Variants in PRKG1 observed in about 807,000 individuals in gnomAD.
PRKG1 encodes protein kinase cGMP-dependent 1.
PRKG1 carries 35 observed loss-of-function variants against 88.1 expected under a neutral mutation model. That is an observed-to-expected ratio of 0.40 (90% CI 0.30 to 0.53). The LOEUF is 0.53. Ranked by LOEUF, PRKG1 falls within the 20% of genes least tolerant of loss-of-function variation. PRKG1 has a pLI of 0.59. For missense variants in PRKG1, 540 were observed against 839.8 expected (o/e 0.64, Z 4.41); for synonymous variants, 303 against 292.5 (o/e 1.04, Z -0.37).
chr10:52,093,543 G>A (rs1847103766), intron 7 of PRKG1, among the ~76,000 whole-genome samples: 2 of 152,088 alleles, frequency 1.3e-5, no homozygotes, highest in South Asian at 2.1e-4. Flanking sequence ...ACAGGAAAAG[G>A]AATTTTTCTT....
intron 3 of PRKG1, among the ~76,000 whole-genome samples, chr10:51,634,977 A>C (rs1427677742): frequency 3.3e-5 from 5 of 152,138 alleles, no homozygotes; most frequent in Non-Finnish European, 7.4e-5. Flanking sequence ...ATTGAAAAAC[A>C]ACCTGTTAGG....
At chr10:51,921,142 C>T (rs1016419473) in intron 5 of PRKG1, among the ~76,000 whole-genome samples, 6 of 152,002 alleles carry the variant, frequency 3.9e-5, no homozygotes, top group African/African-American at 1.4e-4. Context: ...ACCTACTTAT[C>T]CCCTCTCTTT....
Position 50,991,711 on chromosome 10 carries a change from C to A in PRKG1, c.266+67C>A. The A allele has an allele frequency of 8.8e-7, 1 of 1,141,480 alleles. No homozygotes were observed. Among genetic ancestry groups the A allele is most frequent in the South Asian group, 3.9e-5 (1 of 25,320 alleles). The allele number at this position is 1,141,480 out of a possible 1,614,324, so 70.7% of individuals were successfully genotyped here. A position where few individuals can be genotyped will look rare whatever the true frequency, so the allele number is the denominator to read the frequency against. On this transcript the variant is annotated intron_variant, in intron 1 of 17. Coordinates refer to the PRKG1 transcript ENST00000401604. The surrounding 1 kb of genome is among the most constrained non-coding windows in gnomAD (Gnocchi z 4.5). ...GCGGCGCAGAGGCTGGGGGCTCTGG[C>A]CGCGGCGGCGGGGGCGGGTCGGCCC...
At chr10:51,546,284 A>C (rs958030166) in intron 3 of PRKG1, among the ~76,000 whole-genome samples, 1 of 151,732 alleles carries the variant, frequency 6.6e-6, no homozygotes, top group Non-Finnish European at 1.5e-5. Flanking sequence ...TACTTCTTTA[A>C]TTTTTTTTCT....
intron 9 of PRKG1, among the ~76,000 whole-genome samples, chr10:52,202,533 A>G (rs1055462646): frequency 1.2e-4 from 18 of 152,102 alleles, no homozygotes; most frequent in African/African-American, 4.1e-4. Context: ...TATCAGAATG[A>G]TGCTAGCCCC....
At chr10:51,490,204 T>C (rs74132510) in intron 3 of PRKG1, among the ~76,000 whole-genome samples, 2,615 of 152,254 alleles carry the variant, frequency 0.017, 55 homozygotes, top group African/African-American at 0.044. Flanking sequence ...GAGGATTTTC[T>C]TTATGGTGTA....
chr10:52,029,836 G>A (rs947918463), intron 5 of PRKG1, among the ~76,000 whole-genome samples: 2 of 152,188 alleles, frequency 1.3e-5, no homozygotes, highest in South Asian at 2.1e-4. Context: ...ATCTGGCTGC[G>A]TGCTGGACAT....
At chr10:51,145,870 T>G (rs1201038841) in intron 1 of PRKG1, among the ~76,000 whole-genome samples, 1 of 152,184 alleles carries the variant, frequency 6.6e-6, no homozygotes, top group Non-Finnish European at 1.5e-5. Flanking sequence ...TAGAGAAAAC[T>G]CCATACTGTT....
At chr10:51,057,139 C>T (rs1480654079) in intron 1 of PRKG1, among the ~76,000 whole-genome samples, 1 of 152,184 alleles carries the variant, frequency 6.6e-6, no homozygotes, top group Non-Finnish European at 1.5e-5. Flanking sequence ...TGCGTATGCA[C>T]ACATATATAT....
intron 3 of PRKG1, chr10:51,697,996 CATGCCTGTTCCTTGT>C (rs754744971): frequency 1.9e-5 from 30 of 1,612,246 alleles, no homozygotes; most frequent in Non-Finnish European, 2.4e-5. Flanking sequence ...CTGCTCCCTG[CATGCCTGTTCCTTGT>C]ATGCCTGTAC....
chr10:51,164,024 A>G (rs10822299), intron 2 of PRKG1, among the ~76,000 whole-genome samples: 82,967 of 151,982 alleles, frequency 0.55, 23,918 homozygotes, highest in African/African-American at 0.76. Context: ...GTCCCTGCCT[A>G]ACAGCTTTGA....
chr10:51,917,315 T>A (rs1023870275), intron 5 of PRKG1, among the ~76,000 whole-genome samples: 2 of 125,852 alleles, frequency 1.6e-5, no homozygotes, highest in African/African-American at 7.4e-5. Flanking sequence ...CAAGACTCCA[T>A]CTCAAAAAAA....
intron 1 of PRKG1, among the ~76,000 whole-genome samples, chr10:51,133,216 A>G (rs1845613426): frequency 6.6e-6 from 1 of 152,178 alleles, no homozygotes; most frequent in Admixed American, 6.5e-5. Context: ...ATCCTATACT[A>G]TACTCCCAAT....
At chr10:50,994,906 A>G (rs988868529) in intron 1 of PRKG1, among the ~76,000 whole-genome samples, 1 of 152,032 alleles carries the variant, frequency 6.6e-6, no homozygotes, top group Non-Finnish European at 1.5e-5. Context: ...CATATAATTT[A>G]TATTGCATTA....
At chr10:52,292,110 T>C (rs1350980063) in intron 17 of PRKG1, among the ~76,000 whole-genome samples, 2 of 152,156 alleles carry the variant, frequency 1.3e-5, no homozygotes, top group South Asian at 2.1e-4. Flanking sequence ...ATGGGGTTGT[T>C]TGTTTTTTTT....
chr10:51,241,123 G>A (rs1839140784), intron 2 of PRKG1, among the ~76,000 whole-genome samples: 1 of 152,062 alleles, frequency 6.6e-6, no homozygotes, highest in Admixed American at 6.6e-5. Flanking sequence ...ATGAACTGAG[G>A]CTCATGTTTA....
chr10:51,568,720 A>C (rs991043741), intron 3 of PRKG1: 1 of 151,782 alleles, frequency 6.6e-6, no homozygotes, highest in African/African-American at 2.4e-5. Context: ...CAACTTCCAG[A>C]GCAGTATAAG....
At chr10:52,038,352 A>G (rs139759643) in intron 5 of PRKG1, among the ~76,000 whole-genome samples, 25,053 of 150,980 alleles carry the variant, frequency 0.17, 2,199 homozygotes, top group East Asian at 0.28. Context: ...GCGCAGAGAT[A>G]AGAGGTCGGG....
At chr10:51,686,168 G>T (rs1017653712) in intron 3 of PRKG1, among the ~76,000 whole-genome samples, 1 of 151,216 alleles carries the variant, frequency 6.6e-6, no homozygotes, top group Non-Finnish European at 1.5e-5. Flanking sequence ...TAACTTTTAG[G>T]TTCAGGGGTC....
Sources: gnomAD v4.1 joint callset for allele counts (sites outside exome capture counted in the v4.1 genomes callset) on GRCh38, gnomAD v4.1.1 for gene constraint, Gnocchi (gnomAD v3.1) non-coding constraint, MANE v1.5 for transcripts, NCBI Gene and HGNC (gene_info 2026-07-23, HGNC 2026-07-21) for gene names.